Variants in LMO3 observed in about 807,000 individuals in gnomAD.
LMO3 encodes the protein LIM domain only protein 3.
LMO3 carries 2 observed loss-of-function variants against 15.8 expected under a neutral mutation model. That is an observed-to-expected ratio of 0.13 (90% CI 0.05 to 0.40). The LOEUF (loss-of-function observed/expected upper bound fraction) is 0.40, where lower values mean the gene tolerates loss of function less well. Among genes scored for constraint, LMO3 ranks in the 10% least tolerant of loss-of-function variants. The pLI, the probability that LMO3 is intolerant of heterozygous loss-of-function variation, is 0.99. For missense variants in LMO3, 86 were observed against 182.2 expected, an observed-to-expected ratio of 0.47 and a Z score of 3.04; for synonymous variants, 62 against 63.8, an observed-to-expected ratio of 0.97 and a Z score of 0.13.
Position 16,550,861 on chromosome 12 carries a change from C to G in LMO3, c.*361G>C, listed in dbSNP as rs1245477452. 1 of 170,874 alleles carries G rather than the reference C, an allele frequency of 5.9e-6. No individual in the cohort carries two copies. The highest frequency in any genetic ancestry group is 1.3e-5 in the Non-Finnish European group (1 of 79,364). 10.6% of individuals were successfully genotyped at this position (170,874 alleles called of 1,614,324 possible). A position where few individuals can be genotyped will look rare whatever the true frequency, so the allele number is the denominator to read the frequency against. On this transcript the variant is annotated 3_prime_UTR_variant, in exon 4 of 4. Coordinates refer to ENST00000537304, the MANE Select transcript of LMO3 (RefSeq NM_018640.5). ...TACTAAATGCAACAATACAAAGAAG[C>G]AAATGGAACACAAATGGTAACACAA...
In LMO3 at chr12:16,597,689, A is replaced by T. The variant is rs1943702376; in HGVS notation, c.206+2966T>A. ...TTATGTTCTTAATAATTTAGACATGAAATATAAATATGTAAGTTATTTATG... is the reference window on the plus strand; with the variant it reads ...TTATGTTCTTAATAATTTAGACATGTAATATAAATATGTAAGTTATTTATG... On this transcript the variant is annotated intron_variant, in intron 2 of 3. Transcript: ENST00000537304. The surrounding 1 kb of genome is among the most constrained non-coding windows in gnomAD (Gnocchi z 5.0). 6.6e-6 allele frequency: 1 copy of T among 151,964 alleles called. No individual in the cohort carries two copies. The highest frequency in any genetic ancestry group is 2.4e-5 in the African/African-American group (1 of 41,428). The allele number at this position is 151,964 out of a possible 1,614,324, so 9.4% of individuals were successfully genotyped here. A position where few individuals can be genotyped will look rare whatever the true frequency, so the allele number is the denominator to read the frequency against.
chr12:16,573,907 A>T (rs1335497609), intron 2 of LMO3: 1 of 152,280 alleles, frequency 6.6e-6, no homozygotes, highest in African/African-American at 2.4e-5. Flanking sequence ...AGGGCTTTTC[A>T]CACCTGATAG....
At position 16,557,106 on chromosome 12, in the gene LMO3, A is replaced by G. The variant is rs533807215; in HGVS notation, c.332+3307T>C. On this transcript the variant is annotated intron_variant, in intron 3 of 3. Transcript: ENST00000537304. ...TTCAATGGTGAAATAAAATAGATATATGATTTGTAAATAGCATTAACAACC... is the reference window on the plus strand; with the variant it reads ...TTCAATGGTGAAATAAAATAGATATGTGATTTGTAAATAGCATTAACAACC... Among the ~76,000 whole-genome samples the G allele has an allele frequency of 3.9e-5, 6 of 152,292 alleles. No homozygotes were observed. In the South Asian group the frequency reaches 6.2e-4, roughly 16 times the overall value.
intron 1 of LMO3, chr12:16,605,429 C>T: frequency 1.1e-6 from 1 of 874,762 alleles, no homozygotes; most frequent in Non-Finnish European, 1.3e-6. Flanking sequence ...TCTGCCCCTA[C>T]CCGCCTGCCC....
chr12:16,604,355 A>C lies in LMO3; in HGVS notation c.-9+1711T>G, dbSNP rs1591837176. On this transcript the variant is annotated intron_variant, in intron 1 of 3. Coordinates refer to ENST00000537304, the MANE Select transcript of LMO3 (RefSeq NM_018640.5). This position sits in a 1 kb window ranked among gnomAD's most constrained non-coding sequence, Gnocchi z 5.3. ...CTCCCAGCCCCCTTCCCTATCCTTCACCCCCCTCCCCTTTTTGAGCAATGG... is the reference window on the plus strand; with the variant it reads ...CTCCCAGCCCCCTTCCCTATCCTTCCCCCCCCTCCCCTTTTTGAGCAATGG... 4.2e-5 allele frequency among the ~76,000 whole-genome samples: 6 copies of C among 144,360 alleles called. No homozygotes were observed. The highest frequency in any genetic ancestry group is 1.0e-4 in the African/African-American group (4 of 38,722). 94.7% of individuals were successfully genotyped at this position (144,360 alleles called of 152,430 possible). A position where few individuals can be genotyped will look rare whatever the true frequency, so the allele number is the denominator to read the frequency against.
rs1943792343 is a variant in LMO3, at chr12:16,600,506, C to T, written c.206+149G>A. On this transcript the variant is annotated intron_variant, in intron 2 of 3. Coordinates refer to ENST00000537304, the MANE Select transcript of LMO3 (RefSeq NM_018640.5). The stretch of plus-strand genomic sequence containing the variant: ...CTTAAGCATTAATTTGAGTAACACA[C>T]ACAGGGCAACGCTTTGAAGGCTGAC... 4.6e-6 allele frequency: 3 copies of T among 646,226 alleles called. No individual in the cohort carries two copies. In the East Asian group the frequency reaches 8.2e-5, roughly 18 times the overall value. 40.0% of individuals were successfully genotyped at this position (646,226 alleles called of 1,614,324 possible). A position where few individuals can be genotyped will look rare whatever the true frequency, so the allele number is the denominator to read the frequency against.
intron 2 of LMO3, chr12:16,573,664 C>G (rs1471528459): frequency 6.6e-6 from 1 of 152,184 alleles, no homozygotes; most frequent in Non-Finnish European, 1.5e-5. Context: ...CTCTGAGGCT[C>G]CCTTCCTGCT....
At chr12:16,572,542 T>A (rs1180718721) in intron 2 of LMO3, among the ~76,000 whole-genome samples, 1 of 150,194 alleles carries the variant, frequency 6.7e-6, no homozygotes, top group Non-Finnish European at 1.5e-5. Context: ...TTTTAACTGT[T>A]TCTCAAACAG....
chr12:16,609,129 G>C (rs1272014371), upstream of LMO3: 1 of 152,150 alleles, frequency 6.6e-6, no homozygotes, highest in African/African-American at 2.4e-5. Flanking sequence ...CAGATGAAGA[G>C]GCTTGCCACT....
At chr12:16,575,212 T>A (rs1002591220) in intron 2 of LMO3, among the ~76,000 whole-genome samples, 2 of 152,178 alleles carry the variant, frequency 1.3e-5, no homozygotes, top group Non-Finnish European at 2.9e-5. Flanking sequence ...AATTCATAAA[T>A]AAACCCATAT....
intron 3 of LMO3, among the ~76,000 whole-genome samples, chr12:16,556,387 T>C (rs906642869): frequency 6.6e-6 from 1 of 152,330 alleles, no homozygotes; most frequent in South Asian, 2.1e-4. Flanking sequence ...ACGTTTTAGC[T>C]ATACGCCTCT....
rs1404336801 is a variant in LMO3, at chr12:16,582,209, A to C, written c.206+18446T>G. Among the ~76,000 whole-genome samples the C allele has an allele frequency of 1.3e-5, 2 of 152,144 alleles. No homozygotes were observed. Among genetic ancestry groups the C allele is most frequent in the East Asian group, 3.9e-4 (2 of 5,192 alleles). On this transcript the variant is annotated intron_variant, in intron 2 of 3. Coordinates refer to ENST00000537304, the MANE Select transcript of LMO3 (RefSeq NM_018640.5). The surrounding 1 kb of genome is among the most constrained non-coding windows in gnomAD (Gnocchi z 4.1). The stretch of plus-strand genomic sequence containing the variant: ...GTTTTGAAATGGCTGAATTTTATCA[A>C]TTGCCTTTTTGGTACAGACTGCCAT...
At chr12:16,592,009 G>T (rs1194222326) in intron 2 of LMO3, among the ~76,000 whole-genome samples, 2 of 151,924 alleles carry the variant, frequency 1.3e-5, no homozygotes, top group Non-Finnish European at 2.9e-5. Flanking sequence ...TGTTTATCAG[G>T]TGTAGAAAAT....
chr12:16,568,070 A>G (rs1243000955), intron 2 of LMO3, among the ~76,000 whole-genome samples: 1 of 152,214 alleles, frequency 6.6e-6, no homozygotes, highest in Non-Finnish European at 1.5e-5. Flanking sequence ...CACTGGCAAC[A>G]ATAGAAAATA....
intron 3 of LMO3, among the ~76,000 whole-genome samples, chr12:16,554,462 A>G (rs1171691551): frequency 2.0e-5 from 3 of 152,110 alleles, no homozygotes; most frequent in Non-Finnish European, 4.4e-5. Flanking sequence ...ACTGTTTTCA[A>G]TAAGAAGTCC....
chr12:16,604,676 G>A lies in LMO3; in HGVS notation c.-9+1390C>T. 4 of 643,192 alleles carry A rather than the reference G, an allele frequency of 6.2e-6. No individual in the cohort carries two copies. In the South Asian group the frequency reaches 7.9e-5, roughly 13 times the overall value. The allele number at this position is 643,192 out of a possible 1,614,324, so 39.8% of individuals were successfully genotyped here. On this transcript the variant is annotated intron_variant, in intron 1 of 3. Transcript: ENST00000537304. The surrounding 1 kb of genome is among the most constrained non-coding windows in gnomAD (Gnocchi z 5.3). ...CAGCCACACAGGGATGGTTTGCAAA[G>A]AATGTAGCAGTATTTGTTGCATCTA...
At chr12:16,562,366 A>G (rs566079930) in intron 2 of LMO3, among the ~76,000 whole-genome samples, 2 of 152,334 alleles carry the variant, frequency 1.3e-5, no homozygotes, top group South Asian at 4.1e-4. Context: ...ATACTTGTGT[A>G]TATAACATCT....
Position 16,604,563 on chromosome 12 carries a change from T to TC in LMO3, c.-9+1502_-9+1503insG. On this transcript the variant is annotated intron_variant, in intron 1 of 3. Transcript: ENST00000537304. This position sits in a 1 kb window ranked among gnomAD's most constrained non-coding sequence, Gnocchi z 5.3. ...ATTTTGATGCAGCTCACATGCAAAA[T>TC]AAAAAAAAAAAATAAGAAACATACA... is the stretch of plus-strand genomic sequence containing the variant. 1 of 300,328 alleles carries TC rather than the reference T, an allele frequency of 3.3e-6. No homozygotes were observed. 18.6% of individuals were successfully genotyped at this position (300,328 alleles called of 1,614,324 possible).
chr12:16,595,937 G>C (rs1480787130), intron 2 of LMO3, among the ~76,000 whole-genome samples: 1 of 151,188 alleles, frequency 6.6e-6, no homozygotes, highest in Admixed American at 6.6e-5. Flanking sequence ...TTATTAAAAA[G>C]ATGACAATGA....
Sources: gnomAD v4.1 joint callset for allele counts (sites outside exome capture counted in the v4.1 genomes callset) on GRCh38, gnomAD v4.1.1 for gene constraint, Gnocchi (gnomAD v3.1) non-coding constraint, MANE v1.5 for transcripts, NCBI Gene and HGNC (gene_info 2026-07-23, HGNC 2026-07-21) for gene names.